The following PXYLP1 variants were observed in gnomAD, a reference collection of about 807,000 sequenced individuals.
PXYLP1 encodes 2-phosphoxylose phosphatase 1.
In PXYLP1, 17 loss-of-function variants were observed where a neutral mutation model predicts 37.9. That is an observed-to-expected ratio of 0.45 (90% CI 0.31 to 0.67). The LOEUF (loss-of-function observed/expected upper bound fraction) is 0.67. Ranked by LOEUF, PXYLP1 falls within the 30% of genes least tolerant of loss-of-function variation. PXYLP1 has a pLI of 0.07. For synonymous variants in PXYLP1, 221 were observed against 232.2 expected (o/e 0.95, Z 0.44); for missense variants, 511 against 612.0 (o/e 0.84, Z 1.74).
At chr3:141,259,803 A>G (rs1319766727) in intron 1 of PXYLP1, among the ~76,000 whole-genome samples, 2 of 152,218 alleles carry the variant, frequency 1.3e-5, no homozygotes, top group Non-Finnish European at 2.9e-5. Context: ...GCACATTGTA[A>G]ATACCCAATA....
rs1161794012 is a variant in PXYLP1 at position 141,248,680 on chromosome 3, TATACACAC to T, written c.-53-11442_-53-11435del. Among the ~76,000 whole-genome samples, 135 of 39,902 alleles carry T rather than the reference TATACACAC, an allele frequency of 3.4e-3. 5 individuals are homozygous for T. The highest frequency in any genetic ancestry group is 0.018 in the African/African-American group (60 of 3,372). 26.2% of individuals were successfully genotyped at this position (39,902 alleles called of 152,430 possible). A position where few individuals can be genotyped will look rare whatever the true frequency, so the allele number is the denominator to read the frequency against. On this transcript the variant is annotated intron_variant, in intron 1 of 5. Coordinates refer to ENST00000286353, the MANE Select transcript of PXYLP1 (RefSeq NM_001037172.3). ...ACGTATATATACACACACGTGTATA[TATACACAC>T]GTATATACACACACGTGTATATATA...
chr3:141,262,564 A>C, intron 2 of PXYLP1: 1 of 1,263,594 alleles, frequency 7.9e-7, no homozygotes, highest in Non-Finnish European at 1.1e-6. Context: ...ACTCTTCTGA[A>C]AGTACCTTCT....
At chr3:141,290,053 A>G (rs1013757429) in intron 5 of PXYLP1, among the ~76,000 whole-genome samples, 1 of 152,198 alleles carries the variant, frequency 6.6e-6, no homozygotes, top group African/African-American at 2.4e-5. Flanking sequence ...TATTTTAAAT[A>G]TCATGAAAAA....
chr3:141,264,229 C>CA (rs2148766160), intron 2 of PXYLP1, among the ~76,000 whole-genome samples: 1 of 152,218 alleles, frequency 6.6e-6, no homozygotes, highest in South Asian at 2.1e-4. Flanking sequence ...GGGTTGCTGT[C>CA]AATATCTGAA....
In PXYLP1 at chr3:141,294,437, A is replaced by G. The variant is rs1323250816; in HGVS notation, c.*1232A>G. 1 of 152,204 alleles carries G rather than the reference A, an allele frequency of 6.6e-6. No individual in the cohort carries two copies. The highest frequency in any genetic ancestry group is 6.5e-5 in the Admixed American group (1 of 15,274). The allele number at this position is 152,204 out of a possible 1,614,324, so 9.4% of individuals were successfully genotyped here. A position where few individuals can be genotyped will look rare whatever the true frequency, so the allele number is the denominator to read the frequency against. On this transcript the variant is annotated 3_prime_UTR_variant, in exon 6 of 6. Transcript: ENST00000286353. ...AACTTTGCTATTAGATAGTTTACAG[A>G]TCTTTATAAGGTGTTTTATATATTA... is the stretch of plus-strand genomic sequence containing the variant.
At chr3:141,242,298 G>A (rs986181133) in intron 1 of PXYLP1, among the ~76,000 whole-genome samples, 1 of 152,154 alleles carries the variant, frequency 6.6e-6, no homozygotes, top group Non-Finnish European at 1.5e-5. Context: ...TGATTAGAGG[G>A]GCTGAGTCCT....
At chr3:141,248,950 A>T (rs1430155252) in intron 1 of PXYLP1, among the ~76,000 whole-genome samples, 1 of 151,702 alleles carries the variant, frequency 6.6e-6, no homozygotes, top group Non-Finnish European at 1.5e-5. Flanking sequence ...GATCTGAGTC[A>T]GAGAATCCTT....
At chr3:141,240,457 C>T (rs1278389412) in intron 1 of PXYLP1, among the ~76,000 whole-genome samples, 1 of 152,020 alleles carries the variant, frequency 6.6e-6, no homozygotes, top group African/African-American at 2.4e-5. Context: ...GAGGAAGGAA[C>T]ATGGAGGATG....
chr3:141,276,751 C>T (rs973046767), intron 2 of PXYLP1, among the ~76,000 whole-genome samples: 13 of 152,266 alleles, frequency 8.5e-5, no homozygotes, highest in Middle Eastern at 3.4e-3. Context: ...CGAGAGGTGC[C>T]GGTTTCCACC....
chr3:141,248,032 T>TG (rs942399639), intron 1 of PXYLP1, among the ~76,000 whole-genome samples: 3 of 149,226 alleles, frequency 2.0e-5, no homozygotes, highest in Non-Finnish European at 3.0e-5. Context: ...TGTTTTTTTT[T>TG]TTTTTTTTGA....
intron 2 of PXYLP1, among the ~76,000 whole-genome samples, chr3:141,270,409 C>T (rs72982583): frequency 0.065 from 9,944 of 152,274 alleles, 549 homozygotes; most frequent in African/African-American, 0.15. Context: ...CAACTGTGGA[C>T]TCTTCGTTGT....
intron 1 of PXYLP1, among the ~76,000 whole-genome samples, chr3:141,248,746 C>T (rs1941060228): frequency 2.7e-5 from 1 of 36,568 alleles, no homozygotes; most frequent in Non-Finnish European, 5.2e-5. Flanking sequence ...TATATATACA[C>T]ACGTATATAT....
At chr3:141,256,390 G>A (rs1941263037) in intron 1 of PXYLP1, among the ~76,000 whole-genome samples, 1 of 152,176 alleles carries the variant, frequency 6.6e-6, no homozygotes. Context: ...TATCTTTGGA[G>A]CCTCGTCCTT....
Position 141,248,552 on chromosome 3 carries a change from T to TAC in PXYLP1, c.-53-11566_-53-11565dup, listed in dbSNP as rs1211738757. 8.4e-5 allele frequency among the ~76,000 whole-genome samples: 12 copies of TAC among 143,124 alleles called. 1 individual carries two copies. The highest frequency in any genetic ancestry group is 3.0e-4 in the African/African-American group (11 of 36,462). The allele number at this position is 143,124 out of a possible 152,430, so 93.9% of individuals were successfully genotyped here. On this transcript the variant is annotated intron_variant, in intron 1 of 5. Coordinates refer to ENST00000286353, the MANE Select transcript of PXYLP1 (RefSeq NM_001037172.3). ...GTATATATATACACACACGTATATATACACACGTGTATATATATACACACA... is the reference window on the plus strand; with the variant it reads ...GTATATATATACACACACGTATATATACACACACGTGTATATATATACACACA...
intron 1 of PXYLP1, among the ~76,000 whole-genome samples, chr3:141,234,679 C>G (rs1461930522): frequency 6.6e-6 from 1 of 152,208 alleles, no homozygotes; most frequent in Non-Finnish European, 1.5e-5. Flanking sequence ...GCAGATGGGG[C>G]AAGGTCCAGC....
At chr3:141,268,749 C>T (rs1159474772) in intron 2 of PXYLP1, among the ~76,000 whole-genome samples, 2 of 152,230 alleles carry the variant, frequency 1.3e-5, no homozygotes, top group African/African-American at 2.4e-5. Flanking sequence ...TCACTACCAT[C>T]CTGCCCTCCT....
At chr3:141,254,570 A>G (rs1433822606) in intron 1 of PXYLP1, among the ~76,000 whole-genome samples, 1 of 152,182 alleles carries the variant, frequency 6.6e-6, no homozygotes, top group Non-Finnish European at 1.5e-5. Context: ...ATCAGACTTC[A>G]AGGTTGGTTT....
chr3:141,236,166 G>C (rs1479768621), intron 1 of PXYLP1: 1 of 152,216 alleles, frequency 6.6e-6, no homozygotes, highest in Non-Finnish European at 1.5e-5. Context: ...GAGGGTGGAG[G>C]AGAGTTTGGG....
intron 2 of PXYLP1, chr3:141,273,898 C>T: frequency 1.0e-6 from 1 of 985,340 alleles, no homozygotes; most frequent in Non-Finnish European, 1.2e-6. Flanking sequence ...CCTGGTGGCA[C>T]AGTGGCCCCA....
Sources: gnomAD v4.1 joint callset for allele counts (sites outside exome capture counted in the v4.1 genomes callset) on GRCh38, gnomAD v4.1.1 for gene constraint, MANE v1.5 for transcripts, NCBI Gene and HGNC (gene_info 2026-07-23, HGNC 2026-07-21) for gene names.